The following NLRP2 variants were observed in gnomAD, a reference collection of about 807,000 sequenced individuals.
NLRP2 encodes the protein NACHT, LRR and PYD domains-containing protein 2.
NLRP2 carries 107 observed loss-of-function variants against 97.2 expected under a neutral mutation model. That is an observed-to-expected ratio of 1.10 (90% CI 0.94 to 1.29). The LOEUF (loss-of-function observed/expected upper bound fraction) is 1.29. Ranked by LOEUF, NLRP2 falls within the 50% of genes most tolerant of loss-of-function variation. The pLI, the probability that NLRP2 is intolerant of heterozygous loss-of-function variation, is 0.00. For synonymous variants in NLRP2, 663 were observed against 551.5 expected (o/e 1.20, Z -2.83); for missense variants, 1,495 against 1,330.3 (o/e 1.12, Z -1.93).
At chr19:54,985,475 C>T (rs1389765881) in intron 7 of NLRP2, among the ~76,000 whole-genome samples, 2 of 151,984 alleles carry the variant, frequency 1.3e-5, no homozygotes, top group Admixed American at 6.6e-5. Context: ...GTCAGGAGTT[C>T]GAGACCAGCC....
rs558518586 is a variant in NLRP2, at chr19:54,975,106, G to GTTTTTTTT, written c.325+592_325+599dup. Among the ~76,000 whole-genome samples, 106 of 58,708 alleles carry GTTTTTTTT rather than the reference G, an allele frequency of 1.8e-3. 26 individuals carry two copies. Among genetic ancestry groups the GTTTTTTTT allele is most frequent in the Non-Finnish European group, 2.8e-3 (80 of 28,948 alleles). 38.5% of individuals were successfully genotyped at this position (58,708 alleles called of 152,430 possible). A position where few individuals can be genotyped will look rare whatever the true frequency, so the allele number is the denominator to read the frequency against. Reference sequence around the variant, plus strand: ...ATGAGCCACCACCACACCCGGTTTTGTTTTTTTTTTTTTTTTTTTTTTTTT... The same window carrying GTTTTTTTT: ...ATGAGCCACCACCACACCCGGTTTTGTTTTTTTTTTTTTTTTTTTTTTTTTTTTTTTTT... On this transcript the variant is annotated intron_variant, in intron 3 of 12. Coordinates refer to ENST00000448584, the MANE Select transcript of NLRP2 (RefSeq NM_017852.5).
intron 3 of NLRP2, among the ~76,000 whole-genome samples, chr19:54,975,106 G>GTTGTTTTTTTTTTTTTTTT: frequency 1.7e-5 from 1 of 58,706 alleles, no homozygotes; most frequent in East Asian, 5.0e-4. Context: ...ACCCGGTTTT[G>GTTGTTTTTTTTTTTTTTTT]TTTTTTTTTT....
chr19:54,975,106 GTTTTTTTTTTTTTTTTTTTTTT>G lies in NLRP2; in HGVS notation c.325+578_325+599del, dbSNP rs558518586. 4.9e-3 allele frequency among the ~76,000 whole-genome samples: 285 copies of G among 58,708 alleles called. 2 individuals carry two copies. The highest frequency in any genetic ancestry group is 0.01 in the Admixed American group (40 of 3,928). 38.5% of individuals were successfully genotyped at this position (58,708 alleles called of 152,430 possible). ...ATGAGCCACCACCACACCCGGTTTT[GTTTTTTTTTTTTTTTTTTTTTT>G]TTTTTTTTTTTTTTTGAAACAGGGC... On this transcript the variant is annotated intron_variant, in intron 3 of 12. Transcript: ENST00000448584.
At chr19:54,996,818 A>AC (rs930267152) in intron 11 of NLRP2, among the ~76,000 whole-genome samples, 3 of 151,394 alleles carry the variant, frequency 2.0e-5, no homozygotes, top group Admixed American at 2.0e-4. Context: ...TGTAGCCAGA[A>AC]CCCCCAGTTA....
intron 2 of NLRP2, among the ~76,000 whole-genome samples, chr19:54,972,103 A>G (rs1438389229): frequency 6.6e-6 from 1 of 150,848 alleles, no homozygotes; most frequent in Non-Finnish European, 1.5e-5. Flanking sequence ...CGGCCTCCCA[A>G]AGTGTTGGGA....
rs1418949926 is a variant in NLRP2 at position 54,966,443 on chromosome 19, G to A, written c.-42G>A. On this transcript the variant is annotated 5_prime_UTR_variant, in exon 1 of 13. Transcript: ENST00000448584. The stretch of plus-strand genomic sequence containing the variant: ...TCAACCTGCAGCCCTCATCTCCGCC[G>A]GCGAGTAGGGCCAGGTGTTGGGAGG... The A allele has an allele frequency of 1.3e-5, 2 of 152,138 alleles. No homozygotes were observed. Among genetic ancestry groups the A allele is most frequent in the South Asian group, 2.1e-4 (1 of 4,834 alleles). 9.4% of individuals were successfully genotyped at this position (152,138 alleles called of 1,614,324 possible). A position where few individuals can be genotyped will look rare whatever the true frequency, so the allele number is the denominator to read the frequency against.
In NLRP2 at chr19:54,983,492, G is replaced by A. The variant is rs376549862; in HGVS notation, c.1794G>A (p.Thr598=). The A allele has an allele frequency of 6.4e-5, 104 of 1,614,052 alleles. No individual in the cohort carries two copies. The highest frequency in any genetic ancestry group is 1.6e-4 in the Middle Eastern group (1 of 6,084). Residue 598 remains threonine (T), a synonymous_variant, in exon 6 of 13, where the codon ACG becomes ACA. Coordinates refer to ENST00000448584, the MANE Select transcript of NLRP2 (RefSeq NM_017852.5). ...CDISCKGGHS[T]VTDLQELLGC... Reference sequence around the variant, plus strand: ...TAAGTTGTAAGGGTGGACATTCAACGGTGACAGACCTGCAGGAGCTCCTCG... The same window carrying A: ...TAAGTTGTAAGGGTGGACATTCAACAGTGACAGACCTGCAGGAGCTCCTCG...
chr19:54,977,821 A>T lies in NLRP2; in HGVS notation c.395A>T (p.Gln132Leu), dbSNP rs368082357. 1.5e-5 allele frequency: 24 copies of T among 1,613,640 alleles called. No individual in the cohort carries two copies. The highest frequency in any genetic ancestry group is 8.9e-5 in the East Asian group (4 of 44,870). Residue 132 changes from glutamine to leucine, a missense_variant and splice_region_variant, in exon 4 of 13, where the codon CAA becomes CTA. Coordinates refer to ENST00000448584, the MANE Select transcript of NLRP2 (RefSeq NM_017852.5). ...CTGGAGCGCTTCAAAACAGAAGCAC[A>T]AGGTGGGTGTCAGGACCTCCAATGT... ...EMLERFKTEA[Q>L]AFTETKGNVI... is the part of the protein sequence containing the mutation.
chr19:54,972,632 A>G (rs1230252422), intron 2 of NLRP2, among the ~76,000 whole-genome samples: 2 of 151,622 alleles, frequency 1.3e-5, no homozygotes, highest in African/African-American at 4.8e-5. Flanking sequence ...ATATATATAT[A>G]TTTTTGTAGA....
chr19:54,977,041 C>T, intron 3 of NLRP2: 1 of 316,282 alleles, frequency 3.2e-6, no homozygotes, highest in Non-Finnish European at 6.1e-6. Flanking sequence ...TCTCGATCTC[C>T]TGACCTCATG....
At chr19:54,981,323 C>T (rs544211153) in intron 4 of NLRP2, among the ~76,000 whole-genome samples, 2 of 152,150 alleles carry the variant, frequency 1.3e-5, no homozygotes, top group South Asian at 4.1e-4. Flanking sequence ...CATGCGCCAC[C>T]ACGCCTGGCT....
intron 2 of NLRP2, among the ~76,000 whole-genome samples, chr19:54,972,285 G>A (rs1264368351): frequency 1.3e-5 from 2 of 151,946 alleles, no homozygotes; most frequent in Admixed American, 6.6e-5. Flanking sequence ...GGGTTCAAGT[G>A]TTTCTCCTGC....
chr19:54,972,216 C>T (rs1256775847), intron 2 of NLRP2, among the ~76,000 whole-genome samples: 1 of 152,000 alleles, frequency 6.6e-6, no homozygotes, highest in Non-Finnish European at 1.5e-5. Flanking sequence ...AAGTCTCACT[C>T]TGTCACCCAG....
At position 54,982,551 on chromosome 19, in the gene NLRP2, T is replaced by C; in HGVS notation, c.853T>C (p.Phe285Leu). 1 of 1,614,196 alleles carries C rather than the reference T, an allele frequency of 6.2e-7. No homozygotes were observed. The highest frequency in any genetic ancestry group is 2.2e-5 in the East Asian group (1 of 44,886). ...CCTAGCCCAAGCACGGAAAATCTTGTTCGTGATTGACGGCTTTGATGAGCT... is the reference window on the plus strand; with the variant it reads ...CCTAGCCCAAGCACGGAAAATCTTGCTCGTGATTGACGGCTTTGATGAGCT... ...HILAQARKIL[F>L]VIDGFDELGA... Residue 285 changes from phenylalanine to leucine, a missense_variant, in exon 6 of 13, where the codon TTC becomes CTC. Phe to Leu is a conservative substitution (Grantham distance 22, BLOSUM62 0). Coordinates refer to ENST00000448584, the MANE Select transcript of NLRP2 (RefSeq NM_017852.5).
intron 3 of NLRP2, among the ~76,000 whole-genome samples, chr19:54,975,106 GTTTTTTTTTTTTTTTTT>G (rs558518586): frequency 0.022 from 1,297 of 58,690 alleles, 44 homozygotes; most frequent in African/African-American, 0.059. Context: ...ACCCGGTTTT[GTTTTTTTTTTTTTTTTT>G]TTTTTTTTTT....
At chr19:54,969,132 T>G (rs1460848476) in intron 1 of NLRP2, among the ~76,000 whole-genome samples, 1 of 152,134 alleles carries the variant, frequency 6.6e-6, no homozygotes, top group Admixed American at 6.6e-5. Flanking sequence ...TTTGCTATAA[T>G]GAGAGAGTGT....
At chr19:54,981,511 C>CG in intron 4 of NLRP2, 106 bp from the exon 5 acceptor site, 1 of 265,228 alleles carries the variant, frequency 3.8e-6, no homozygotes, top group South Asian at 3.2e-5. Flanking sequence ...GATCCCGTGC[C>CG]CCCCCTCCCC....
intron 8 of NLRP2, among the ~76,000 whole-genome samples, chr19:54,987,871 C>T (rs544426034): frequency 2.8e-4 from 43 of 151,628 alleles, no homozygotes; most frequent in Admixed American, 8.6e-4. Context: ...TGAAACCCCA[C>T]GTCTACTAAA....
chr19:54,973,800 A>G (rs1033994514), intron 2 of NLRP2: 5 of 592,546 alleles, frequency 8.4e-6, no homozygotes, highest in East Asian at 4.3e-5. Context: ...TTCCATGCCA[A>G]TAGCGCTCAC....
Sources: allele counts gnomAD v4.1 joint callset (sites outside exome capture counted in the v4.1 genomes callset), GRCh38; gene constraint gnomAD v4.1.1; transcripts MANE v1.5; gene names NCBI Gene and HGNC (gene_info 2026-07-23, HGNC 2026-07-21).